The following WNT3 variants were observed in gnomAD, a reference collection of about 807,000 sequenced individuals.
WNT3 encodes Wnt family member 3.
A neutral mutation model predicts 34.2 loss-of-function variants in WNT3; 7 were observed. The observed-to-expected ratio is 0.20, with a 90% CI of 0.12 to 0.38. The LOEUF (loss-of-function observed/expected upper bound fraction) is 0.38. WNT3 is among the 10% of genes least tolerant of loss of function. WNT3 has a pLI of 1.00. For missense variants in WNT3, 267 were observed against 499.8 expected (o/e 0.53, Z 4.44); for synonymous variants, 212 against 211.5 (o/e 1.00, Z -0.02).
At chr17:46,799,046 C>CAAAA (rs35108068) in intron 1 of WNT3, among the ~76,000 whole-genome samples, 1 of 93,254 alleles carries the variant, frequency 1.1e-5, no homozygotes, top group Non-Finnish European at 2.1e-5. Flanking sequence ...GACTCCGTCT[C>CAAAA]AAAAAAAAAA....
At chr17:46,799,984 C>T (rs886403290) in intron 1 of WNT3, among the ~76,000 whole-genome samples, 13 of 152,252 alleles carry the variant, frequency 8.5e-5, no homozygotes, top group East Asian at 7.7e-4. Flanking sequence ...TGCCCAGAGC[C>T]GGACTTCCTG....
At chr17:46,788,818 C>T (rs2083941588) in intron 1 of WNT3, among the ~76,000 whole-genome samples, 1 of 152,216 alleles carries the variant, frequency 6.6e-6, no homozygotes, top group African/African-American at 2.4e-5. Flanking sequence ...TCCTTTCCTT[C>T]GTCTCTCCCA....
At chr17:46,783,039 C>T (rs2059475019) in intron 1 of WNT3, among the ~76,000 whole-genome samples, 1 of 152,186 alleles carries the variant, frequency 6.6e-6, no homozygotes, top group Non-Finnish European at 1.5e-5. Context: ...GTCTCTGGGC[C>T]TTGCCATTAG....
At chr17:46,771,990 G>C (rs1423872971) in intron 2 of WNT3, among the ~76,000 whole-genome samples, 2 of 150,674 alleles carry the variant, frequency 1.3e-5, no homozygotes, top group Non-Finnish European at 3.0e-5. Flanking sequence ...CAGACTCGCG[G>C]AAGACGCGCG....
At chr17:46,771,433 T>C (rs1329048238) in intron 2 of WNT3, among the ~76,000 whole-genome samples, 2 of 150,632 alleles carry the variant, frequency 1.3e-5, no homozygotes, top group East Asian at 2.0e-4. Flanking sequence ...GCCTGCGGCC[T>C]CTCGCGGCGG....
intron 1 of WNT3, among the ~76,000 whole-genome samples, chr17:46,789,861 G>A (rs958379263): frequency 2.0e-4 from 30 of 152,184 alleles, no homozygotes; most frequent in East Asian, 3.9e-4. Flanking sequence ...GGGATGCTGC[G>A]ACCACACCCA....
chr17:46,814,200 T>C (rs1158835276), intron 1 of WNT3, among the ~76,000 whole-genome samples: 1 of 152,204 alleles, frequency 6.6e-6, no homozygotes, highest in Admixed American at 6.5e-5. Context: ...GCCCCGGAGC[T>C]GTTGACAAAA....
chr17:46,818,078 G>A lies in WNT3; in HGVS notation c.80+440C>T, dbSNP rs182514433. Among the ~76,000 whole-genome samples the A allele has an allele frequency of 5.9e-5, 9 of 152,124 alleles. No individual in the cohort carries two copies. In the East Asian group the frequency reaches 9.7e-4, roughly 16 times the overall value. On this transcript the variant is annotated intron_variant, in intron 1 of 4. Coordinates refer to ENST00000225512, the MANE Select transcript of WNT3 (RefSeq NM_030753.5). ...TGGGGAATCTCTTGATGGAGGCGCC[G>A]GCAGAGGTGGGGTGGCAGTGAAGGA...
intron 1 of WNT3, among the ~76,000 whole-genome samples, chr17:46,796,855 C>T (rs1186421812): frequency 6.6e-6 from 1 of 152,190 alleles, no homozygotes; most frequent in Non-Finnish European, 1.5e-5. Context: ...CCACTCAAGC[C>T]CTCCAGAAAG....
intron 1 of WNT3, among the ~76,000 whole-genome samples, chr17:46,778,731 G>A (rs1407681173): frequency 2.0e-5 from 3 of 152,058 alleles, no homozygotes; most frequent in South Asian, 2.1e-4. Flanking sequence ...TGACTCCAGC[G>A]GGGCTGTTTC....
chr17:46,802,115 C>A (rs370513602), intron 1 of WNT3, among the ~76,000 whole-genome samples: 1 of 152,158 alleles, frequency 6.6e-6, no homozygotes, highest in Admixed American at 6.5e-5. Flanking sequence ...AGTTTCCCAG[C>A]GTACAACTCC....
chr17:46,817,842 C>A (rs2084372582), intron 1 of WNT3, among the ~76,000 whole-genome samples: 1 of 152,066 alleles, frequency 6.6e-6, no homozygotes, highest in East Asian at 1.9e-4. Context: ...TTCAAGGAAC[C>A]CCCCTTTTGC....
intron 1 of WNT3, among the ~76,000 whole-genome samples, chr17:46,791,217 C>CTT (rs936253029): frequency 6.8e-6 from 1 of 146,756 alleles, no homozygotes; most frequent in Non-Finnish European, 1.5e-5. Context: ...TTTCCTTACT[C>CTT]TTTTTTTTTT....
At chr17:46,766,137 G>T (rs915973749) in intron 4 of WNT3, among the ~76,000 whole-genome samples, 3 of 152,214 alleles carry the variant, frequency 2.0e-5, no homozygotes, top group Non-Finnish European at 4.4e-5. Context: ...GGCCGGGCGC[G>T]GTGGCTCACG....
At chr17:46,771,063 C>T (rs1245690516) in intron 2 of WNT3, among the ~76,000 whole-genome samples, 1 of 152,234 alleles carries the variant, frequency 6.6e-6, no homozygotes, top group African/African-American at 2.4e-5. Flanking sequence ...GCCTCCCCTC[C>T]TGGGCTGTGG....
chr17:46,810,883 C>T (rs2084265664), intron 1 of WNT3, among the ~76,000 whole-genome samples: 1 of 152,098 alleles, frequency 6.6e-6, no homozygotes, highest in Non-Finnish European at 1.5e-5. Flanking sequence ...TCTCAGGTGC[C>T]CTAACTCCCT....
At position 46,785,045 on chromosome 17, in the gene WNT3, G is replaced by A. The variant is rs559559816; in HGVS notation, c.81-11136C>T. Among the ~76,000 whole-genome samples the A allele has an allele frequency of 3.2e-4, 49 of 152,222 alleles. No individual in the cohort carries two copies. The East Asian group carries it at 9.5e-3, about 30-fold the overall frequency. ...GCCCGCCTTGGCCTCCCAAAGTGCT[G>A]GGATTACAGGCGTGAGCCACCGTGC... On this transcript the variant is annotated intron_variant, in intron 1 of 4. Transcript: ENST00000225512.
chr17:46,802,653 A>C (rs1451023040), intron 1 of WNT3, among the ~76,000 whole-genome samples: 2 of 152,118 alleles, frequency 1.3e-5, no homozygotes. Flanking sequence ...GTTGATCACT[A>C]GTGGCCAATG....
chr17:46,790,095 C>T (rs536004463), intron 1 of WNT3, among the ~76,000 whole-genome samples: 4 of 152,262 alleles, frequency 2.6e-5, no homozygotes, highest in African/African-American at 7.2e-5. Flanking sequence ...CATCCCCAGG[C>T]GAGGCAGTCC....
Sources: allele counts gnomAD v4.1 joint callset (sites outside exome capture counted in the v4.1 genomes callset), GRCh38; gene constraint gnomAD v4.1.1; transcripts MANE v1.5; gene names NCBI Gene and HGNC (gene_info 2026-07-23, HGNC 2026-07-21).